TMEM44: variants seen among roughly 807,000 people sequenced by gnomAD.
TMEM44 encodes the protein transmembrane protein 44.
TMEM44 carries 43 observed loss-of-function variants against 47.8 expected under a neutral mutation model. The ratio of observed to expected loss-of-function variants is 0.90; its 90% CI spans 0.70 to 1.16. TMEM44 has a LOEUF of 1.16. Among genes scored for constraint, TMEM44 ranks in the 50% most tolerant of loss-of-function variants. The pLI is 0.00. For missense variants in TMEM44, 568 were observed against 555.2 expected (o/e 1.02, Z -0.23); for synonymous variants, 277 against 238.8 (o/e 1.16, Z -1.48).
intron 9 of TMEM44, among the ~76,000 whole-genome samples, chr3:194,601,695 G>A (rs551625454): frequency 1.5e-3 from 228 of 151,966 alleles, no homozygotes; most frequent in African/African-American, 5.0e-3. Flanking sequence ...TGATCCACCC[G>A]CCTCTGCCTC....
At chr3:194,596,059 G>T (rs1021619137) in intron 9 of TMEM44, among the ~76,000 whole-genome samples, 3 of 152,158 alleles carry the variant, frequency 2.0e-5, no homozygotes, top group Non-Finnish European at 4.4e-5. Context: ...GCAGAGAAGA[G>T]AAAGCTGGCT....
At chr3:194,629,706 T>A (rs1286725278) in intron 1 of TMEM44, among the ~76,000 whole-genome samples, 5 of 142,224 alleles carry the variant, frequency 3.5e-5, no homozygotes, top group Non-Finnish European at 6.1e-5. Context: ...CCTGAAATAA[T>A]ACGCTGTCGT....
At chr3:194,592,828 G>C (rs555020455) in intron 9 of TMEM44, among the ~76,000 whole-genome samples, 7 of 152,240 alleles carry the variant, frequency 4.6e-5, no homozygotes, top group African/African-American at 1.4e-4. Context: ...TGGCCAGGCT[G>C]GTCTTGAACT....
chr3:194,629,107 T>A (rs544955568), intron 1 of TMEM44, among the ~76,000 whole-genome samples: 1 of 150,432 alleles, frequency 6.6e-6, no homozygotes, highest in Non-Finnish European at 1.5e-5. Context: ...GAGGTTGCAG[T>A]GAGCCAAGAT....
chr3:194,589,519 T>C (rs1272163240), intron 9 of TMEM44: 1 of 152,174 alleles, frequency 6.6e-6, no homozygotes, highest in African/African-American at 2.4e-5. Context: ...TCGCTCCTGC[T>C]CCTACACGGT....
intron 9 of TMEM44, among the ~76,000 whole-genome samples, chr3:194,592,588 C>T (rs1017205219): frequency 7.2e-5 from 11 of 152,108 alleles, no homozygotes; most frequent in African/African-American, 2.7e-4. Context: ...CCTGAAAATC[C>T]CATTCATCCT....
At position 194,603,355 on chromosome 3, in the gene TMEM44, C is replaced by T. The variant is rs113658168; in HGVS notation, c.1176+932G>A. Among the ~76,000 whole-genome samples, 504 of 152,148 alleles carry T rather than the reference C, an allele frequency of 3.3e-3. 5 individuals are homozygous for T. Among genetic ancestry groups the T allele is most frequent in the African/African-American group, 0.011 (459 of 41,502 alleles). ...ACAGCAGGATGTAGCTGGTGCTCCTCGGGGGGAGAAAAGCTCCCATGGGCA... is the reference window on the plus strand; with the variant it reads ...ACAGCAGGATGTAGCTGGTGCTCCTTGGGGGGAGAAAAGCTCCCATGGGCA... On this transcript the variant is annotated intron_variant, in intron 9 of 9. Coordinates refer to ENST00000347147, the MANE Select transcript of TMEM44 (RefSeq NM_001011655.3).
intron 5 of TMEM44, among the ~76,000 whole-genome samples, chr3:194,620,925 G>A (rs1716461690): frequency 6.6e-6 from 1 of 151,948 alleles, no homozygotes; most frequent in African/African-American, 2.4e-5. Context: ...TACTTGGGAG[G>A]CTGAGGCACA....
intron 8 of TMEM44, among the ~76,000 whole-genome samples, chr3:194,607,569 G>A (rs789999): frequency 0.33 from 50,082 of 152,040 alleles, 8,926 homozygotes; most frequent in Non-Finnish European, 0.42. Flanking sequence ...GTCTGAATCC[G>A]GTTCTATCAC....
chr3:194,603,785 C>T (rs544354564), intron 9 of TMEM44, among the ~76,000 whole-genome samples: 46 of 152,288 alleles, frequency 3.0e-4, no homozygotes, highest in Non-Finnish European at 4.9e-4. Flanking sequence ...AGTGTCCCTG[C>T]GACTAATGTG....
At chr3:194,596,164 G>A (rs1713383503) in intron 9 of TMEM44, among the ~76,000 whole-genome samples, 1 of 152,196 alleles carries the variant, frequency 6.6e-6, no homozygotes, top group African/African-American at 2.4e-5. Context: ...TAAGCAGCAA[G>A]GCGCCCAGAA....
At chr3:194,610,784 C>T in intron 8 of TMEM44, 132 bp downstream of exon 8, 1 of 767,334 alleles carries the variant, frequency 1.3e-6, no homozygotes, top group Non-Finnish European at 2.1e-6. Flanking sequence ...CCTTGGACAG[C>T]TCCTTCTTTT....
chr3:194,588,313 T>C lies in TMEM44; in HGVS notation c.*216A>G. 1.9e-6 allele frequency: 1 copy of C among 534,724 alleles called. No homozygotes were observed. The highest frequency in any genetic ancestry group is 3.3e-6 in the Non-Finnish European group (1 of 302,192). The allele number at this position is 534,724 out of a possible 1,614,324, so 33.1% of individuals were successfully genotyped here. On this transcript the variant is annotated 3_prime_UTR_variant, in exon 10 of 10. Transcript: ENST00000347147. ...TGTGAACTGTGATCTTCAGAACGAA[T>C]GCTGGGCCTATCCAGGTCTGTCCGC...
chr3:194,623,038 C>T, intron 5 of TMEM44, 186 bp downstream of exon 5: 1 of 537,144 alleles, frequency 1.9e-6, no homozygotes, highest in Non-Finnish European at 3.1e-6. Flanking sequence ...CCTGGGTTGG[C>T]TGCCCACTCT....
intron 8 of TMEM44, among the ~76,000 whole-genome samples, 163 bp from the exon 9 acceptor site, chr3:194,604,608 C>A (rs1022176964): frequency 2.0e-5 from 3 of 152,252 alleles, no homozygotes; most frequent in Non-Finnish European, 4.4e-5. Flanking sequence ...CTCCCCAGGG[C>A]AGCCAGTGCC....
intron 9 of TMEM44, among the ~76,000 whole-genome samples, chr3:194,603,830 G>T (rs560967624): frequency 1.3e-5 from 2 of 152,192 alleles, no homozygotes; most frequent in African/African-American, 4.8e-5. Flanking sequence ...TGACACACAG[G>T]GTAGGGGCCC....
At chr3:194,623,428 G>T in intron 4 of TMEM44, 101 bp downstream of exon 4, 1 of 1,508,412 alleles carries the variant, frequency 6.6e-7, no homozygotes. Context: ...TCCAACAAAG[G>T]AAGGCTTAAC....
chr3:194,615,838 G>C, intron 6 of TMEM44, 141 bp from the exon 7 acceptor site: 1 of 1,189,340 alleles, frequency 8.4e-7, no homozygotes, highest in Non-Finnish European at 1.2e-6. Flanking sequence ...CTGGGACAGA[G>C]AGGAGCTCAT....
intron 5 of TMEM44, among the ~76,000 whole-genome samples, chr3:194,621,229 C>G (rs1356235288): frequency 6.6e-6 from 1 of 152,152 alleles, no homozygotes; most frequent in Non-Finnish European, 1.5e-5. Context: ...TTACCACAAG[C>G]CAAGGGGCTA....
Sources: allele counts gnomAD v4.1 joint callset (sites outside exome capture counted in the v4.1 genomes callset), GRCh38; gene constraint gnomAD v4.1.1; transcripts MANE v1.5; gene names NCBI Gene and HGNC (gene_info 2026-07-23, HGNC 2026-07-21).